Variants in CALN1 observed in about 807,000 individuals in gnomAD.
CALN1 encodes calcium-binding protein 8.
In CALN1, 17 loss-of-function variants were observed where a neutral mutation model predicts 30.6. The ratio of observed to expected loss-of-function variants is 0.56; its 90% CI spans 0.38 to 0.83. The LOEUF is 0.83. CALN1 is among the 40% of genes least tolerant of loss of function. The pLI is 0.00. For missense variants in CALN1, 291 were observed against 354.9 expected, an observed-to-expected ratio of 0.82 and a Z score of 1.45; for synonymous variants, 156 against 131.4, an observed-to-expected ratio of 1.19 and a Z score of -1.28.
Position 72,023,709 on chromosome 7 carries a change from G to A in CALN1, c.449C>T (p.Ser150Leu), listed in dbSNP as rs1308728304. ...CCCAAGAAAACCATCGCGACCTTCTGAAGACACCAGTTTGGGGCCAAGAAT... is the reference window on the plus strand; with the variant it reads ...CCCAAGAAAACCATCGCGACCTTCTAAAGACACCAGTTTGGGGCCAAGAAT... The part of the protein sequence containing the change: ...MTILGPKLVS[S>L]EGRDGFLGNT... Residue 150 changes from serine to leucine, a missense_variant, in exon 5 of 7, where the codon TCA becomes TTA. Physicochemically the swap from Ser to Leu is moderately radical, Grantham distance 145 (BLOSUM62 -2). Around this residue, in one of 2 missense-constraint regions of CALN1, gnomAD observed 169 missense variants for 251.7 expected, o/e 0.67. Coordinates refer to ENST00000395275, the MANE Select transcript of CALN1 (RefSeq NM_031468.4). 1.5e-5 allele frequency: 24 copies of A among 1,613,858 alleles called. No homozygotes were observed. The highest frequency in any genetic ancestry group is 2.0e-5 in the Non-Finnish European group (24 of 1,179,936).
At chr7:72,223,245 T>A (rs1003302874) in intron 3 of CALN1, among the ~76,000 whole-genome samples, 1 of 152,114 alleles carries the variant, frequency 6.6e-6, no homozygotes, top group Admixed American at 6.6e-5. Flanking sequence ...AATCTGAAAT[T>A]GAGGTGGAGC....
rs1792866507 is a variant in CALN1 at position 71,784,220 on chromosome 7, T to C, written c.*3555A>G. 6.6e-6 allele frequency: 1 copy of C among 152,052 alleles called. No individual in the cohort carries two copies. The highest frequency in any genetic ancestry group is 1.5e-5 in the Non-Finnish European group (1 of 68,060). The allele number at this position is 152,052 out of a possible 1,614,324, so 9.4% of individuals were successfully genotyped here. The stretch of plus-strand genomic sequence containing the variant: ...TACAGGTAGCTCCTGCTCTCCTGAG[T>C]AAATAGAAGGACAAGTTCAAATGCC... On this transcript the variant is annotated 3_prime_UTR_variant, in exon 7 of 7. Transcript: ENST00000395275.
At chr7:72,057,586 TTTC>T (rs1490635920) in intron 4 of CALN1, among the ~76,000 whole-genome samples, 3 of 152,092 alleles carry the variant, frequency 2.0e-5, no homozygotes, top group Non-Finnish European at 2.9e-5. Flanking sequence ...ACGTGTATTT[TTTC>T]TTCATTTTCT....
chr7:72,107,644 G>A (rs751451259), intron 3 of CALN1, among the ~76,000 whole-genome samples: 4 of 152,160 alleles, frequency 2.6e-5, no homozygotes, highest in African/African-American at 7.2e-5. Context: ...TTCGTTAATT[G>A]TTTCTGAGCA....
At chr7:71,923,693 G>A (rs1482859985) in intron 5 of CALN1, among the ~76,000 whole-genome samples, 2 of 152,092 alleles carry the variant, frequency 1.3e-5, no homozygotes, top group Non-Finnish European at 2.9e-5. Context: ...GTAATTTTCA[G>A]AATTTACAAA....
At chr7:71,837,602 C>T (rs563460247) in intron 5 of CALN1, among the ~76,000 whole-genome samples, 4 of 152,058 alleles carry the variant, frequency 2.6e-5, no homozygotes, top group Non-Finnish European at 5.9e-5. Flanking sequence ...TATGCGAGAG[C>T]TCAAAAGCAT....
At chr7:72,069,179 C>T (rs1303343374) in intron 4 of CALN1, among the ~76,000 whole-genome samples, 1 of 152,172 alleles carries the variant, frequency 6.6e-6, no homozygotes, top group Admixed American at 6.5e-5. Flanking sequence ...TTCAGGAGAA[C>T]CACTGCAACT....
intron 3 of CALN1, among the ~76,000 whole-genome samples, chr7:72,187,070 A>G (rs552418832): frequency 5.9e-5 from 9 of 152,228 alleles, no homozygotes; most frequent in African/African-American, 2.2e-4. Flanking sequence ...GAAATTTGGT[A>G]AAAGAATATG....
At chr7:72,369,572 G>A (rs567408152) in intron 2 of CALN1, among the ~76,000 whole-genome samples, 3 of 152,076 alleles carry the variant, frequency 2.0e-5, no homozygotes, top group Admixed American at 2.0e-4. Flanking sequence ...TGTTGGTCAG[G>A]CTTGTCTTCA....
intron 5 of CALN1, among the ~76,000 whole-genome samples, chr7:71,962,217 A>T (rs1797282652): frequency 7.0e-6 from 1 of 142,828 alleles, no homozygotes; most frequent in South Asian, 2.3e-4. Flanking sequence ...ACACAGCAAG[A>T]CCCCATCTCT....
intron 3 of CALN1, among the ~76,000 whole-genome samples, chr7:72,125,430 T>A (rs1808678733): frequency 6.6e-6 from 1 of 152,222 alleles, no homozygotes; most frequent in African/African-American, 2.4e-5. Flanking sequence ...CAAGGATCCC[T>A]GGCCTGCGTG....
intron 3 of CALN1, among the ~76,000 whole-genome samples, chr7:72,140,664 A>C (rs1014415658): frequency 2.6e-5 from 4 of 152,246 alleles, no homozygotes; most frequent in African/African-American, 9.6e-5. Context: ...GAATGAACAG[A>C]GGCAACCCTG....
intron 4 of CALN1, among the ~76,000 whole-genome samples, chr7:72,081,440 G>GT (rs973941035): frequency 2.0e-4 from 5 of 25,546 alleles, no homozygotes; most frequent in African/African-American, 7.7e-4. Context: ...TTTGGTGTGT[G>GT]TGTTTTTTTT....
At chr7:71,922,671 A>C (rs1382762488) in intron 5 of CALN1, among the ~76,000 whole-genome samples, 1 of 139,530 alleles carries the variant, frequency 7.2e-6, no homozygotes, top group Non-Finnish European at 1.5e-5. Context: ...TATAACATAC[A>C]GAATATATTA....
intron 5 of CALN1, among the ~76,000 whole-genome samples, chr7:71,889,630 C>T (rs935995290): frequency 2.6e-5 from 4 of 152,116 alleles, no homozygotes; most frequent in Non-Finnish European, 4.4e-5. Context: ...TCCAACCCCA[C>T]ACCATGGATT....
intron 2 of CALN1, among the ~76,000 whole-genome samples, chr7:72,335,559 G>T (rs751550360): frequency 6.6e-6 from 1 of 152,080 alleles, no homozygotes; most frequent in Non-Finnish European, 1.5e-5. Flanking sequence ...GCGCTAAGCT[G>T]CTATTCCCTG....
rs985624624 is a variant in CALN1, at chr7:72,028,072, A to T, written c.389-4303T>A. 3.5e-3 allele frequency among the ~76,000 whole-genome samples: 398 copies of T among 112,824 alleles called. 2 individuals carry two copies. Among genetic ancestry groups the T allele is most frequent in the African/African-American group, 0.018 (377 of 20,978 alleles). 74.0% of individuals were successfully genotyped at this position (112,824 alleles called of 152,430 possible). Reference sequence around the variant, plus strand: ...AGACTCCGTCTCAAAAAAAAAAAAAAAAAAAAAAAAAAACACATGAGACCT... The same window carrying T: ...AGACTCCGTCTCAAAAAAAAAAAAATAAAAAAAAAAAAACACATGAGACCT... On this transcript the variant is annotated intron_variant, in intron 4 of 6. Coordinates refer to ENST00000395275, the MANE Select transcript of CALN1 (RefSeq NM_031468.4).
At chr7:72,237,689 T>TC (rs1794558814) in intron 3 of CALN1, among the ~76,000 whole-genome samples, 1 of 152,158 alleles carries the variant, frequency 6.6e-6, no homozygotes, top group Non-Finnish European at 1.5e-5. Context: ...TACTGAGTCC[T>TC]CCCTCTCTTA....
intron 3 of CALN1, among the ~76,000 whole-genome samples, chr7:72,111,081 G>T (rs544007400): frequency 6.6e-6 from 1 of 152,168 alleles, no homozygotes; most frequent in Non-Finnish European, 1.5e-5. Context: ...AGGGCTACGT[G>T]AGCACGCTGT....
Sources: allele counts gnomAD v4.1 joint callset (sites outside exome capture counted in the v4.1 genomes callset), GRCh38; gene constraint gnomAD v4.1.1; regional missense constraint gnomAD v4.1.1; transcripts MANE v1.5; gene names NCBI Gene and HGNC (gene_info 2026-07-23, HGNC 2026-07-21).